The following ZNF90 variants were observed in gnomAD, a reference collection of about 807,000 sequenced individuals.
ZNF90 encodes the protein zinc finger protein 90.
A neutral mutation model predicts 12.0 loss-of-function variants in ZNF90; 11 were observed. The observed-to-expected ratio is 0.92, with a 90% CI of 0.58 to 1.52. The LOEUF (loss-of-function observed/expected upper bound fraction) is 1.52, where lower values mean the gene tolerates loss of function less well. Among genes scored for constraint, ZNF90 ranks in the 40% most tolerant of loss-of-function variants. The pLI is 0.00. For missense variants in ZNF90, 765 were observed against 711.5 expected (o/e 1.08, Z -0.86); for synonymous variants, 232 against 240.1 (o/e 0.97, Z 0.31).
intron 1 of ZNF90, among the ~76,000 whole-genome samples, chr19:20,090,489 A>T (rs542445475): frequency 6.6e-6 from 1 of 152,050 alleles, no homozygotes; most frequent in African/African-American, 2.4e-5. Flanking sequence ...GGAATGGTGA[A>T]CCCAGTGGGG....
chr19:20,106,414 A>G (rs2089038805), intron 3 of ZNF90, among the ~76,000 whole-genome samples: 1 of 152,206 alleles, frequency 6.6e-6, no homozygotes, highest in Non-Finnish European at 1.5e-5. Flanking sequence ...AGCACAATAT[A>G]GTTTTGCATT....
At position 20,083,922 on chromosome 19, in the gene ZNF90, C is replaced by T. The variant is rs1053809683; in HGVS notation, c.3+5787C>T. On this transcript the variant is annotated intron_variant, in intron 1 of 3. Coordinates refer to ENST00000418063, the MANE Select transcript of ZNF90 (RefSeq NM_007138.2). Reference sequence around the variant, plus strand: ...GCGTTACCACCCCTGGCCAATTTTTCTTTTTGTATTTTTTGTGGAGACAGG... The same window carrying T: ...GCGTTACCACCCCTGGCCAATTTTTTTTTTTGTATTTTTTGTGGAGACAGG... Among the ~76,000 whole-genome samples, 3 of 151,864 alleles carry T rather than the reference C, an allele frequency of 2.0e-5. No homozygotes were observed. The East Asian group carries it at 5.8e-4, about 29-fold the overall frequency.
chr19:20,090,708 A>G (rs994257874), intron 1 of ZNF90, among the ~76,000 whole-genome samples: 11 of 152,172 alleles, frequency 7.2e-5, no homozygotes, highest in Non-Finnish European at 1.3e-4. Context: ...ACTGGAAGAT[A>G]GTCACCTAGA....
At chr19:20,117,550 C>T (rs181241717) in intron 3 of ZNF90, 1 of 977,964 alleles carries the variant, frequency 1.0e-6, no homozygotes, top group Admixed American at 6.2e-5. Context: ...CAATTCTCTG[C>T]CTCAGCTTCC....
At chr19:20,107,050 A>G (rs1173984633) in intron 3 of ZNF90, 5 of 452,922 alleles carry the variant, frequency 1.1e-5, no homozygotes, top group East Asian at 7.0e-5. Flanking sequence ...GTGGATGAGT[A>G]TGGCTCTGAC....
intron 1 of ZNF90, among the ~76,000 whole-genome samples, chr19:20,092,780 A>T (rs2088912853): frequency 6.6e-6 from 1 of 152,214 alleles, no homozygotes; most frequent in Admixed American, 6.5e-5. Flanking sequence ...TGGAGAAGAA[A>T]TTTGAGCTTT....
Position 20,108,731 on chromosome 19 carries a change from CT to C in ZNF90, c.226+3433del, listed in dbSNP as rs10626180. On this transcript the variant is annotated intron_variant, in intron 3 of 3. Coordinates refer to ENST00000418063, the MANE Select transcript of ZNF90 (RefSeq NM_007138.2). ...GTGTGTTTCTTCAGTGTAGGTTTCT[CT>C]TTTTTTTTTTTTTTTTTGAGATGGA... Among the ~76,000 whole-genome samples the C allele has an allele frequency of 2.2e-3, 266 of 119,926 alleles. 1 individual carries two copies. Among genetic ancestry groups the C allele is most frequent in the African/African-American group, 5.6e-3 (177 of 31,586 alleles). 78.7% of individuals were successfully genotyped at this position (119,926 alleles called of 152,430 possible). A position where few individuals can be genotyped will look rare whatever the true frequency, so the allele number is the denominator to read the frequency against.
intron 1 of ZNF90, chr19:20,079,942 T>C: frequency 1.0e-5 from 4 of 389,754 alleles, no homozygotes; most frequent in Admixed American, 3.5e-5. Flanking sequence ...TTCCTCTTTT[T>C]TTTTTTTTTT....
At chr19:20,079,891 G>A in intron 1 of ZNF90, 3 of 422,586 alleles carry the variant, frequency 7.1e-6, no homozygotes, top group South Asian at 5.5e-5. Context: ...TGCTCCTTCG[G>A]GAGACTGCTG....
intron 1 of ZNF90, among the ~76,000 whole-genome samples, chr19:20,102,435 C>G (rs888106077): frequency 6.6e-6 from 1 of 152,180 alleles, no homozygotes; most frequent in African/African-American, 2.4e-5. Context: ...TGGTCCAACC[C>G]TAGCCAATAG....
intron 1 of ZNF90, among the ~76,000 whole-genome samples, chr19:20,080,984 G>C (rs1179491805): frequency 6.6e-6 from 1 of 152,196 alleles, no homozygotes; most frequent in Non-Finnish European, 1.5e-5. Flanking sequence ...CTGTCACACT[G>C]CCCATTGTCC....
At chr19:20,108,026 A>AT (rs542050888) in intron 3 of ZNF90, among the ~76,000 whole-genome samples, 7 of 152,082 alleles carry the variant, frequency 4.6e-5, no homozygotes, top group Non-Finnish European at 8.8e-5. Context: ...AAAAATATAT[A>AT]TTTTTTCTAT....
rs910398455 is a variant in ZNF90 at position 20,084,336 on chromosome 19, C to T, written c.3+6201C>T. Among the ~76,000 whole-genome samples, 4 of 152,148 alleles carry T rather than the reference C, an allele frequency of 2.6e-5. No individual in the cohort carries two copies. In the East Asian group the frequency reaches 7.7e-4, roughly 29 times the overall value. ...CCTCCCAAAGTGCTGGGATTACAGG[C>T]ATGAGCCACTGCGCCAGGCTGACCA... On this transcript the variant is annotated intron_variant, in intron 1 of 3. Transcript: ENST00000418063.
In ZNF90 at chr19:20,104,366, G is replaced by T. The variant is rs782376577; in HGVS notation, c.130+1G>T. ...AACTACAGACACCTGGTCTTCCTTG[G>T]TGAGGATAAGTGGAATACATAATTC... On this transcript the variant is annotated splice_donor_variant, in intron 2 of 3. Coordinates refer to ENST00000418063, the MANE Select transcript of ZNF90 (RefSeq NM_007138.2). LOFTEE classifies it high-confidence loss of function. 2.5e-6 allele frequency: 4 copies of T among 1,611,196 alleles called. No homozygotes were observed. Among genetic ancestry groups the T allele is most frequent in the Non-Finnish European group, 3.4e-6 (4 of 1,179,094 alleles).
At position 20,080,786 on chromosome 19, in the gene ZNF90, A is replaced by C. The variant is rs1288033966; in HGVS notation, c.3+2651A>C. Reference sequence around the variant, plus strand: ...TGAGGACAATGTTGTGGGACTGAGCACTGAAACGGGGTCTGTGCTGACTCT... The same window carrying C: ...TGAGGACAATGTTGTGGGACTGAGCCCTGAAACGGGGTCTGTGCTGACTCT... On this transcript the variant is annotated intron_variant, in intron 1 of 3. Transcript: ENST00000418063. Among the ~76,000 whole-genome samples, 6 of 152,120 alleles carry C rather than the reference A, an allele frequency of 3.9e-5. No homozygotes were observed. The South Asian group carries it at 1.2e-3, about 32-fold the overall frequency.
At chr19:20,112,052 T>A (rs2089094143) in intron 3 of ZNF90, among the ~76,000 whole-genome samples, 1 of 152,058 alleles carries the variant, frequency 6.6e-6, no homozygotes, top group Non-Finnish European at 1.5e-5. Flanking sequence ...AGAGAGAGCG[T>A]TTCACAATGT....
In ZNF90 at chr19:20,120,587, G is replaced by A. The variant is rs1555706449; in HGVS notation, c.*1227G>A. On this transcript the variant is annotated 3_prime_UTR_variant, in exon 4 of 4. Coordinates refer to ENST00000418063, the MANE Select transcript of ZNF90 (RefSeq NM_007138.2). Reference sequence around the variant, plus strand: ...ACTAAAATATATGTTTGCAGAAACAGTAAATATAAAAAATATTTAATTCAA... The same window carrying A: ...ACTAAAATATATGTTTGCAGAAACAATAAATATAAAAAATATTTAATTCAA... Among the ~76,000 whole-genome samples the A allele has an allele frequency of 6.6e-6, 1 of 152,080 alleles. No individual in the cohort carries two copies. The highest frequency in any genetic ancestry group is 1.5e-5 in the Non-Finnish European group (1 of 67,994).
intron 1 of ZNF90, among the ~76,000 whole-genome samples, chr19:20,085,579 A>G (rs1464212427): frequency 6.6e-6 from 1 of 152,160 alleles, no homozygotes; most frequent in Non-Finnish European, 1.5e-5. Context: ...GGTCTTATGC[A>G]TTAATAAGTT....
chr19:20,079,367 A>G (rs2088803525), intron 1 of ZNF90, among the ~76,000 whole-genome samples: 1 of 151,664 alleles, frequency 6.6e-6, no homozygotes, highest in Non-Finnish European at 1.5e-5. Flanking sequence ...TTAAGATGAA[A>G]GGAAACTGGA....
Sources: allele counts gnomAD v4.1 joint callset (sites outside exome capture counted in the v4.1 genomes callset), GRCh38; gene constraint gnomAD v4.1.1; transcripts MANE v1.5; gene names NCBI Gene and HGNC (gene_info 2026-07-23, HGNC 2026-07-21).